Variants in AGBL4 observed in about 807,000 individuals in gnomAD.
The protein encoded by AGBL4 is AGBL carboxypeptidase 4.
In AGBL4, 58 loss-of-function variants were observed where a neutral mutation model predicts 66.4. That is an observed-to-expected ratio of 0.87 (90% confidence interval 0.71 to 1.09). The LOEUF (loss-of-function observed/expected upper bound fraction) is 1.09. Among genes scored for constraint, AGBL4 ranks in the 50% least tolerant of loss-of-function variants. The probability of loss-of-function intolerance (pLI) is 0.00; values close to 1 mark genes in which losing one functional copy is unlikely to be tolerated. For synonymous variants in AGBL4, 234 were observed against 222.9 expected (o/e 1.05, Z -0.44); for missense variants, 579 against 631.0 (o/e 0.92, Z 0.88).
chr1:48,593,454 T>G (rs1277350270), intron 9 of AGBL4, among the ~76,000 whole-genome samples: 1 of 152,256 alleles, frequency 6.6e-6, no homozygotes, highest in Non-Finnish European at 1.5e-5. Flanking sequence ...CACAATTGTA[T>G]GTAAAATAAA....
chr1:49,688,498 C>T (rs1052466681), intron 3 of AGBL4, among the ~76,000 whole-genome samples: 1 of 152,180 alleles, frequency 6.6e-6, no homozygotes, highest in Non-Finnish European at 1.5e-5. Flanking sequence ...ACTTGAGTTA[C>T]TTCCAAATCT....
At chr1:49,931,676 G>T (rs983633478) in intron 1 of AGBL4, among the ~76,000 whole-genome samples, 5 of 152,078 alleles carry the variant, frequency 3.3e-5, no homozygotes, top group African/African-American at 9.7e-5. Context: ...AACAGTATCA[G>T]ATGGCAATTT....
chr1:48,758,422 C>T (rs1644061843), intron 6 of AGBL4, among the ~76,000 whole-genome samples: 1 of 152,238 alleles, frequency 6.6e-6, no homozygotes, highest in African/African-American at 2.4e-5. Context: ...ACTGAAGTCT[C>T]TCCATGCCCT....
chr1:48,872,347 A>G (rs1013399744), intron 5 of AGBL4, among the ~76,000 whole-genome samples: 2 of 152,144 alleles, frequency 1.3e-5, no homozygotes, highest in African/African-American at 4.8e-5. Flanking sequence ...CTTTGTTTTG[A>G]AGTAGGAGAG....
At chr1:48,650,985 A>G (rs1645921047) in intron 8 of AGBL4, among the ~76,000 whole-genome samples, 2 of 152,190 alleles carry the variant, frequency 1.3e-5, no homozygotes, top group South Asian at 4.1e-4. Context: ...ACTGCTGTAG[A>G]GAGTAGTGTG....
rs1644575219 is a variant in AGBL4, at chr1:49,293,139, T to C, written c.283-47275A>G. 2.0e-5 allele frequency among the ~76,000 whole-genome samples: 3 copies of C among 152,228 alleles called. No homozygotes were observed. In the South Asian group the frequency reaches 6.2e-4, roughly 32 times the overall value. ...TGCCAGCCATGGAAGTTGCTTGTGT[T>C]GTGCCTGGTCCAGCCACAGCCACAC... is the stretch of plus-strand genomic sequence containing the variant. On this transcript the variant is annotated intron_variant, in intron 3 of 13. Transcript: ENST00000371839.
At chr1:49,488,652 C>A (rs193085652) in intron 3 of AGBL4, among the ~76,000 whole-genome samples, 1 of 151,716 alleles carries the variant, frequency 6.6e-6, no homozygotes, top group Admixed American at 6.6e-5. Flanking sequence ...TTTTATATTA[C>A]TATATTTTTG....
intron 3 of AGBL4, among the ~76,000 whole-genome samples, chr1:49,545,505 T>A (rs1652401628): frequency 6.6e-6 from 1 of 152,192 alleles, no homozygotes; most frequent in Non-Finnish European, 1.5e-5. Flanking sequence ...AGAAACTATA[T>A]GTTGTTTAAT....
At chr1:49,142,457 T>C (rs1646137446) in intron 4 of AGBL4, among the ~76,000 whole-genome samples, 1 of 152,204 alleles carries the variant, frequency 6.6e-6, no homozygotes, top group South Asian at 2.1e-4. Context: ...ATTACAAATC[T>C]TTGAGCCTTA....
intron 4 of AGBL4, among the ~76,000 whole-genome samples, chr1:49,063,364 A>G (rs1279536402): frequency 6.6e-6 from 1 of 152,192 alleles, no homozygotes; most frequent in African/African-American, 2.4e-5. Context: ...TAGAATTTGG[A>G]TGGCAAAAAA....
chr1:49,349,779 C>T (rs1645711314), intron 3 of AGBL4, among the ~76,000 whole-genome samples: 1 of 151,976 alleles, frequency 6.6e-6, no homozygotes, highest in Admixed American at 6.5e-5. Context: ...AGAAATAGGG[C>T]CTTAAAGAGG....
chr1:48,976,945 AT>A (rs1659386280), intron 5 of AGBL4, among the ~76,000 whole-genome samples: 1 of 151,988 alleles, frequency 6.6e-6, no homozygotes, highest in Non-Finnish European at 1.5e-5. Flanking sequence ...ACTTATTAAT[AT>A]TTTTATTGTC....
chr1:49,736,286 A>C (rs1649884461), intron 2 of AGBL4, among the ~76,000 whole-genome samples: 1 of 152,232 alleles, frequency 6.6e-6, no homozygotes, highest in Non-Finnish European at 1.5e-5. Context: ...AAGCAAGAGA[A>C]GAGTGACTCG....
chr1:48,874,589 A>G (rs1394692801), intron 5 of AGBL4, among the ~76,000 whole-genome samples: 1 of 152,204 alleles, frequency 6.6e-6, no homozygotes, highest in Non-Finnish European at 1.5e-5. Flanking sequence ...AATAGTTTTT[A>G]CATTATAATA....
intron 2 of AGBL4, among the ~76,000 whole-genome samples, chr1:49,711,910 T>C (rs2124661069): frequency 6.6e-6 from 1 of 152,142 alleles, no homozygotes; most frequent in Middle Eastern, 3.4e-3. Context: ...CAACATGAGC[T>C]GTAAATCTGT....
At chr1:49,573,130 GTC>G (rs1379068371) in intron 3 of AGBL4, among the ~76,000 whole-genome samples, 1 of 142,810 alleles carries the variant, frequency 7.0e-6, no homozygotes, top group South Asian at 2.2e-4. Context: ...ATATATGTGT[GTC>G]TGTGTGTGTG....
At chr1:49,680,316 T>G (rs935031436) in intron 3 of AGBL4, among the ~76,000 whole-genome samples, 5 of 149,698 alleles carry the variant, frequency 3.3e-5, no homozygotes, top group African/African-American at 1.2e-4. Context: ...CCCAAGGTGC[T>G]GGGATTACAG....
At chr1:49,799,246 A>T (rs543044893) in intron 2 of AGBL4, among the ~76,000 whole-genome samples, 2 of 152,270 alleles carry the variant, frequency 1.3e-5, no homozygotes, top group African/African-American at 2.4e-5. Flanking sequence ...ACTATGGGAA[A>T]ATAACATGTG....
chr1:49,261,818 T>A (rs1311944579), intron 3 of AGBL4, among the ~76,000 whole-genome samples: 1 of 148,456 alleles, frequency 6.7e-6, no homozygotes, highest in Non-Finnish European at 1.5e-5. Flanking sequence ...ACTTTAAAGT[T>A]CATATGGAAC....
Sources: gnomAD v4.1 joint callset for allele counts (sites outside exome capture counted in the v4.1 genomes callset) on GRCh38, gnomAD v4.1.1 for gene constraint, MANE v1.5 for transcripts, NCBI Gene and HGNC (gene_info 2026-07-23, HGNC 2026-07-21) for gene names.